The following TMEM132D variants were observed in gnomAD, a reference collection of about 807,000 sequenced individuals.
TMEM132D encodes the protein transmembrane protein 132D.
A neutral mutation model predicts 62.3 loss-of-function variants in TMEM132D; 21 were observed. The ratio of observed to expected loss-of-function variants is 0.34; its 90% CI spans 0.24 to 0.49. TMEM132D has a LOEUF of 0.49. TMEM132D is among the 20% of genes least tolerant of loss of function. The probability of loss-of-function intolerance (pLI) is 0.99; values close to 1 mark genes in which losing one functional copy is unlikely to be tolerated. For synonymous variants in TMEM132D, 621 were observed against 575.6 expected (o/e 1.08, Z -1.13); for missense variants, 1,346 against 1,402.8 (o/e 0.96, Z 0.65).
In TMEM132D at chr12:129,251,826, T is replaced by C. The variant is rs149913671; in HGVS notation, c.1300-42163A>G. Among the ~76,000 whole-genome samples, 232 of 152,240 alleles carry C rather than the reference T, an allele frequency of 1.5e-3. 3 individuals are homozygous for C. Among genetic ancestry groups the C allele is most frequent in the African/African-American group, 5.5e-3 (227 of 41,542 alleles). On this transcript the variant is annotated intron_variant, in intron 4 of 8. Coordinates refer to ENST00000422113, the MANE Select transcript of TMEM132D (RefSeq NM_133448.3). ...CAAGTGAGTCTACTCCATGTTCTTT[T>C]TCTACTTCTGCTAGTTGGACCGTGG...
chr12:129,214,011 A>G (rs1215756540), intron 4 of TMEM132D, among the ~76,000 whole-genome samples: 3 of 152,236 alleles, frequency 2.0e-5, no homozygotes, highest in Non-Finnish European at 4.4e-5. Flanking sequence ...TGGGGTATTT[A>G]TACACCAAAC....
chr12:129,439,932 G>T (rs1449798058), intron 3 of TMEM132D, among the ~76,000 whole-genome samples: 4 of 152,172 alleles, frequency 2.6e-5, no homozygotes. Flanking sequence ...ATGCTTGAAG[G>T]ATTATGTCAT....
At chr12:129,816,888 C>T (rs989226934) in intron 1 of TMEM132D, among the ~76,000 whole-genome samples, 4 of 152,064 alleles carry the variant, frequency 2.6e-5, no homozygotes, top group African/African-American at 9.7e-5. Context: ...GACAAGAATT[C>T]TGGAATTTAA....
chr12:129,431,059 G>C (rs1233428111), intron 3 of TMEM132D, among the ~76,000 whole-genome samples: 1 of 152,212 alleles, frequency 6.6e-6, no homozygotes, highest in Non-Finnish European at 1.5e-5. Context: ...TGTGTTCTCT[G>C]TCTTGGGCAG....
chr12:129,400,802 A>G (rs1871599036), intron 3 of TMEM132D, among the ~76,000 whole-genome samples: 1 of 152,372 alleles, frequency 6.6e-6, no homozygotes, highest in East Asian at 1.9e-4. Context: ...CAAATTAACT[A>G]TAAGTTGTTC....
chr12:129,483,542 A>T (rs1874490035), intron 3 of TMEM132D, among the ~76,000 whole-genome samples: 1 of 152,246 alleles, frequency 6.6e-6, no homozygotes. Context: ...ACTATTAACC[A>T]TACTTAATTG....
intron 3 of TMEM132D, among the ~76,000 whole-genome samples, chr12:129,364,502 A>G (rs1228102332): frequency 6.6e-6 from 1 of 152,178 alleles, no homozygotes; most frequent in East Asian, 1.9e-4. Context: ...ATTTGGGGAG[A>G]CGTATAGCGT....
chr12:129,868,076 G>GAGGCAGCGTTTCTATGGTACACACATA (rs1874115451), intron 1 of TMEM132D, among the ~76,000 whole-genome samples: 3 of 151,866 alleles, frequency 2.0e-5, no homozygotes, highest in Non-Finnish European at 4.4e-5. Flanking sequence ...GTACACACAT[G>GAGGCAGCGTTTCTATGGTACACACATA]AGGCAGCATT....
rs150311386 is a variant in TMEM132D at position 129,354,855 on chromosome 12, C to T, written c.1116-17038G>A. On this transcript the variant is annotated intron_variant, in intron 3 of 8. Transcript: ENST00000422113. Reference sequence around the variant, plus strand: ...CCACTCTTGATTTCTGCCTAATATGCTCCCACCTCTTCTTCCAGTGCAAGA... The same window carrying T: ...CCACTCTTGATTTCTGCCTAATATGTTCCCACCTCTTCTTCCAGTGCAAGA... Among the ~76,000 whole-genome samples the T allele has an allele frequency of 3.9e-3, 600 of 152,282 alleles. 6 individuals are homozygous for T. Among genetic ancestry groups the T allele is most frequent in the African/African-American group, 0.014 (576 of 41,558 alleles).
At chr12:129,516,507 G>A (rs1301662223) in intron 3 of TMEM132D, among the ~76,000 whole-genome samples, 5 of 152,170 alleles carry the variant, frequency 3.3e-5, no homozygotes, top group South Asian at 2.1e-4. Context: ...GAAAATGAGA[G>A]CTAAGTGAAA....
intron 1 of TMEM132D, among the ~76,000 whole-genome samples, chr12:129,787,506 AAG>A (rs1871277069): frequency 6.6e-6 from 1 of 152,222 alleles, no homozygotes; most frequent in Non-Finnish European, 1.5e-5. Flanking sequence ...AATCTACAGA[AAG>A]AGCGAAGTTT....
At chr12:129,339,977 C>T (rs1007388648) in intron 3 of TMEM132D, among the ~76,000 whole-genome samples, 4 of 152,192 alleles carry the variant, frequency 2.6e-5, no homozygotes, top group Non-Finnish European at 5.9e-5. Context: ...CAGTAGAATA[C>T]TGGATGCCTC....
At chr12:129,799,528 C>A (rs1360605854) in intron 1 of TMEM132D, among the ~76,000 whole-genome samples, 1 of 152,034 alleles carries the variant, frequency 6.6e-6, no homozygotes, top group Non-Finnish European at 1.5e-5. Flanking sequence ...TCAGCCATCA[C>A]CTGGAGCTGC....
chr12:129,638,705 T>A (rs866042131), intron 2 of TMEM132D, among the ~76,000 whole-genome samples: 20 of 151,950 alleles, frequency 1.3e-4, no homozygotes, highest in Middle Eastern at 3.4e-3. Flanking sequence ...ATCATCAGTA[T>A]CTCTTGCTAA....
intron 5 of TMEM132D, among the ~76,000 whole-genome samples, chr12:129,105,575 A>C (rs981188428): frequency 1.3e-5 from 2 of 150,264 alleles, no homozygotes; most frequent in African/African-American, 5.0e-5. Context: ...AAAAAGAAAA[A>C]AACAAACAAC....
chr12:129,745,992 G>A (rs1227594105), intron 1 of TMEM132D, among the ~76,000 whole-genome samples: 1 of 152,176 alleles, frequency 6.6e-6, no homozygotes, highest in African/African-American at 2.4e-5. Flanking sequence ...AGGTCTCTTA[G>A]AAGGCTGACA....
At chr12:129,546,748 C>T (rs1876748412) in intron 2 of TMEM132D, among the ~76,000 whole-genome samples, 1 of 151,658 alleles carries the variant, frequency 6.6e-6, no homozygotes, top group Non-Finnish European at 1.5e-5. Context: ...TTGCAGTGAG[C>T]CGAGATCATG....
At chr12:129,314,500 C>T (rs536983159) in intron 4 of TMEM132D, among the ~76,000 whole-genome samples, 1 of 152,322 alleles carries the variant, frequency 6.6e-6, no homozygotes, top group African/African-American at 2.4e-5. Flanking sequence ...CAGTACCATG[C>T]TGTTTTGGTG....
chr12:129,541,082 A>T (rs1876570753), intron 2 of TMEM132D, among the ~76,000 whole-genome samples: 1 of 152,188 alleles, frequency 6.6e-6, no homozygotes, highest in Admixed American at 6.5e-5. Context: ...CATTTCTTAC[A>T]CTGATAAGTT....
Sources: allele counts gnomAD v4.1 joint callset (sites outside exome capture counted in the v4.1 genomes callset), GRCh38; gene constraint gnomAD v4.1.1; transcripts MANE v1.5; gene names NCBI Gene and HGNC (gene_info 2026-07-23, HGNC 2026-07-21).